The following DRC8 variants were observed in gnomAD, a reference collection of about 807,000 sequenced individuals.
DRC8 encodes the protein dynein regulatory complex subunit 8.
the DRC8 span, among the ~76,000 whole-genome samples, chr1:245,115,629 T>C: frequency 6.6e-6 from 1 of 152,228 alleles, no homozygotes; most frequent in Non-Finnish European, 1.5e-5. Context: ...CCAAACTATG[T>C]AGCAGGGCTC....
the DRC8 span, among the ~76,000 whole-genome samples, chr1:245,070,278 G>T: frequency 5.3e-5 from 8 of 152,014 alleles, no homozygotes; most frequent in African/African-American, 1.9e-4. Flanking sequence ...TTAATTATAT[G>T]GCAATGACCA....
At chr1:245,002,352 T>C in the DRC8 span, 1 of 762,162 alleles carries the variant, frequency 1.3e-6, no homozygotes. Flanking sequence ...AGCCAGATAC[T>C]CCCTACTCTA....
chr1:245,074,671 G>A, the DRC8 span, among the ~76,000 whole-genome samples: 2 of 152,196 alleles, frequency 1.3e-5, no homozygotes, highest in African/African-American at 2.4e-5. Context: ...CAGAAGACTC[G>A]TGCAGCCTCG....
the DRC8 span, chr1:244,970,075 A>G: frequency 1.5e-6 from 1 of 652,422 alleles, no homozygotes; most frequent in Admixed American, 3.0e-5. Flanking sequence ...CCCCAAATGG[A>G]TGAGAAATAA....
chr1:245,013,004 A>G, the DRC8 span, among the ~76,000 whole-genome samples: 1 of 152,232 alleles, frequency 6.6e-6, no homozygotes, highest in Non-Finnish European at 1.5e-5. Context: ...TCTCAATCAC[A>G]TAAAAGATGA....
chr1:245,001,655 G>A, the DRC8 span, among the ~76,000 whole-genome samples: 3 of 152,216 alleles, frequency 2.0e-5, no homozygotes, highest in Non-Finnish European at 4.4e-5. Context: ...GGGCACTGAA[G>A]CTGAGAAGTG....
chr1:245,023,248 A>T, the DRC8 span: 3 of 152,208 alleles, frequency 2.0e-5, no homozygotes, highest in Admixed American at 2.0e-4. Context: ...TTGTATTTAT[A>T]TCCCACATTT....
the DRC8 span, among the ~76,000 whole-genome samples, chr1:245,079,596 A>G: frequency 6.6e-6 from 1 of 152,106 alleles, no homozygotes; most frequent in African/African-American, 2.4e-5. Context: ...ATAGAGTTGA[A>G]CTTCCTTTGG....
chr1:244,976,234 A>T, the DRC8 span, among the ~76,000 whole-genome samples: 4 of 152,200 alleles, frequency 2.6e-5, no homozygotes, highest in Non-Finnish European at 5.9e-5. Flanking sequence ...GCAGCATTGC[A>T]CTCCAGCCCA....
At chr1:245,087,189 AAG>A in the DRC8 span, 1 of 1,582,722 alleles carries the variant, frequency 6.3e-7, no homozygotes, top group Non-Finnish European at 8.6e-7. Context: ...GGCTAGTGGA[AAG>A]AGAAAAAAAT....
chr1:244,993,845 A>G, the DRC8 span, among the ~76,000 whole-genome samples: 6 of 152,212 alleles, frequency 3.9e-5, no homozygotes, highest in Non-Finnish European at 8.8e-5. Context: ...TAATCCATTC[A>G]TGAGGGCAGA....
chr1:244,978,231 C>T, the DRC8 span, among the ~76,000 whole-genome samples: 1 of 152,052 alleles, frequency 6.6e-6, no homozygotes, highest in East Asian at 1.9e-4. Context: ...CAGTGGCTCA[C>T]GCCTGTAATC....
the DRC8 span, among the ~76,000 whole-genome samples, chr1:245,118,713 C>G: frequency 3.0e-4 from 45 of 151,664 alleles, no homozygotes; most frequent in East Asian, 1.9e-4. Flanking sequence ...ATCGCTTGAG[C>G]CCCAGGAGGC....
the DRC8 span, among the ~76,000 whole-genome samples, chr1:245,086,135 C>T: frequency 1.3e-3 from 197 of 152,258 alleles, no homozygotes; most frequent in Admixed American, 1.5e-3. Context: ...AGTATCTCAG[C>T]GGACTAAGCA....
the DRC8 span, chr1:245,087,456 T>C: frequency 9.7e-6 from 14 of 1,446,116 alleles, no homozygotes; most frequent in African/African-American, 2.0e-4. Context: ...ATATGTGATA[T>C]TTAATACCTT....
the DRC8 span, among the ~76,000 whole-genome samples, chr1:245,118,804 A>AGAAAAGAAAG: frequency 2.0e-4 from 15 of 74,534 alleles, no homozygotes; most frequent in Admixed American, 1.8e-3. Context: ...AAAAAAGAAA[A>AGAAAAGAAAG]GAAAAGAAAA....
the DRC8 span, among the ~76,000 whole-genome samples, chr1:245,008,758 TCC>T: frequency 6.6e-6 from 1 of 150,972 alleles, no homozygotes; most frequent in Non-Finnish European, 1.5e-5. Flanking sequence ...AACCTTGAAC[TCC>T]TGGGCTTAAG....
chr1:245,121,680 G>C, the DRC8 span, among the ~76,000 whole-genome samples: 5 of 152,112 alleles, frequency 3.3e-5, no homozygotes, highest in African/African-American at 7.2e-5. Context: ...TGTGCTGCGT[G>C]GGGGAGAGGT....
At chr1:245,013,221 C>A in the DRC8 span, among the ~76,000 whole-genome samples, 1 of 152,044 alleles carries the variant, frequency 6.6e-6, no homozygotes. Flanking sequence ...TTTGCCAGAC[C>A]TCGAGAAAAA....
Sources: allele counts gnomAD v4.1 joint callset (sites outside exome capture counted in the v4.1 genomes callset), GRCh38; gene constraint gnomAD v4.1.1; transcripts MANE v1.5; gene names NCBI Gene and HGNC (gene_info 2026-07-23, HGNC 2026-07-21).